NRG1: variants seen among roughly 807,000 people sequenced by gnomAD.
NRG1 encodes the protein pro-neuregulin-1, membrane-bound isoform.
NRG1 carries 18 observed loss-of-function variants against 63.8 expected under a neutral mutation model. The ratio of observed to expected loss-of-function variants is 0.28; its 90% CI spans 0.19 to 0.42. NRG1 has a LOEUF of 0.42. Ranked by LOEUF, NRG1 falls within the 10% of genes least tolerant of loss-of-function variation. The probability of loss-of-function intolerance (pLI) is 1.00; values close to 1 mark genes in which losing one functional copy is unlikely to be tolerated. For synonymous variants in NRG1, 302 were observed against 301.3 expected (o/e 1.00, Z -0.02); for missense variants, 762 against 814.7 (o/e 0.94, Z 0.79).
At chr8:31,642,307 G>A (rs1279003774) in intron 1 of NRG1, among the ~76,000 whole-genome samples, 1 of 152,174 alleles carries the variant, frequency 6.6e-6, no homozygotes, top group Non-Finnish European at 1.5e-5. Flanking sequence ...AATTCAGGAA[G>A]GATTTTTCCT....
intron 1 of NRG1, among the ~76,000 whole-genome samples, chr8:31,656,743 C>T (rs567998536): frequency 1.3e-5 from 2 of 152,202 alleles, no homozygotes; most frequent in African/African-American, 4.8e-5. Flanking sequence ...CTATGTACCA[C>T]CTAAGCCCTT....
At chr8:32,381,165 A>G in intron 1 of NRG1, among the ~76,000 whole-genome samples, 1 of 151,992 alleles carries the variant, frequency 6.6e-6, no homozygotes, top group East Asian at 1.9e-4. Context: ...GTCTCTTTCG[A>G]TTTCTTAAAT....
intron 1 of NRG1, among the ~76,000 whole-genome samples, chr8:32,457,876 C>A (rs1821800101): frequency 6.6e-6 from 1 of 151,802 alleles, no homozygotes; most frequent in Non-Finnish European, 1.5e-5. Context: ...TCAGATGCCT[C>A]TTCTCCACAG....
chr8:31,809,372 GTATATATACGTGTATA>G (rs1822619616), intron 1 of NRG1, among the ~76,000 whole-genome samples: 1 of 132,182 alleles, frequency 7.6e-6, no homozygotes, highest in Admixed American at 7.8e-5. Flanking sequence ...ATATATACAC[GTATATATACGTGTATA>G]TATATGTGTG....
intron 1 of NRG1, among the ~76,000 whole-genome samples, chr8:32,396,828 G>A (rs750047396): frequency 1.6e-4 from 24 of 152,114 alleles, no homozygotes; most frequent in Non-Finnish European, 2.8e-4. Context: ...TTCTATTACA[G>A]AGCTTTCTCT....
chr8:31,691,336 G>A lies in NRG1; in HGVS notation c.37+51905G>A, dbSNP rs535924472. ...TAAAAGTAGATCTGAGGCCGGGCGC[G>A]GTGGCTCACGCCTGTAATCCCAGCA... On this transcript the variant is annotated intron_variant, in intron 1 of 10. Transcript: ENST00000519301. Among the ~76,000 whole-genome samples the A allele has an allele frequency of 3.8e-4, 58 of 152,180 alleles. 1 individual carries two copies. The Middle Eastern group carries it at 0.01, about 27-fold the overall frequency.
At chr8:31,757,948 C>T (rs1373125891) in intron 1 of NRG1, among the ~76,000 whole-genome samples, 1 of 152,046 alleles carries the variant, frequency 6.6e-6, no homozygotes, top group East Asian at 1.9e-4. Context: ...TCTCCTCTAT[C>T]ACTCATAGAG....
At chr8:32,276,127 G>A (rs544640041) in intron 1 of NRG1, among the ~76,000 whole-genome samples, 1 of 152,226 alleles carries the variant, frequency 6.6e-6, no homozygotes, top group Non-Finnish European at 1.5e-5. Context: ...GTGCCACAGA[G>A]CACTAGAATT....
At chr8:32,111,753 A>G (rs1261918522) in intron 1 of NRG1, among the ~76,000 whole-genome samples, 3 of 152,142 alleles carry the variant, frequency 2.0e-5, no homozygotes, top group Admixed American at 6.5e-5. Flanking sequence ...ATGGGGAGTG[A>G]GAAAATTGAG....
At chr8:32,344,324 C>CTCTTTCTG (rs1804465828) in intron 1 of NRG1, among the ~76,000 whole-genome samples, 1 of 64,096 alleles carries the variant, frequency 1.6e-5, no homozygotes, top group Admixed American at 1.6e-4. Context: ...TTCCTTCTTT[C>CTCTTTCTG]TCTTTCTTTC....
rs150508301 is a variant in NRG1 at position 32,443,651 on chromosome 8, T to C, written c.38-152177T>C. 6.0e-3 allele frequency among the ~76,000 whole-genome samples: 912 copies of C among 152,304 alleles called. 6 individuals carry two copies. The highest frequency in any genetic ancestry group is 0.021 in the African/African-American group (861 of 41,566). On this transcript the variant is annotated intron_variant, in intron 1 of 10. Coordinates refer to the NRG1 transcript ENST00000519301. ...ATGAACACAAACTCCTAGTAAGTGT[T>C]CTTAATTGTTCTGTGGGCTGATGTG...
At chr8:32,760,498 A>G in intron 11 of NRG1, 92 bp downstream of exon 11, 1 of 1,576,556 alleles carries the variant, frequency 6.3e-7, no homozygotes, top group Non-Finnish European at 8.6e-7. Flanking sequence ...AATCTACTCT[A>G]ATCAGAATAA....
intron 1 of NRG1, among the ~76,000 whole-genome samples, chr8:32,347,133 A>ATT (rs1805013762): frequency 6.6e-6 from 1 of 152,112 alleles, no homozygotes; most frequent in African/African-American, 2.4e-5. Context: ...CCGGCCAAGC[A>ATT]TTTATCTTTT....
chr8:32,467,873 G>C (rs1823274432), intron 1 of NRG1, among the ~76,000 whole-genome samples: 1 of 152,160 alleles, frequency 6.6e-6, no homozygotes, highest in African/African-American at 2.4e-5. Context: ...TTTCAGGACT[G>C]TTGATTGTCC....
chr8:31,996,030 C>G (rs911108783), intron 1 of NRG1, among the ~76,000 whole-genome samples: 6 of 151,672 alleles, frequency 4.0e-5, no homozygotes, highest in African/African-American at 1.2e-4. Flanking sequence ...CTCTTCTCTT[C>G]TTTCACGGTG....
chr8:31,936,843 T>C (rs962567446), intron 1 of NRG1, among the ~76,000 whole-genome samples: 2 of 151,914 alleles, frequency 1.3e-5, no homozygotes, highest in African/African-American at 4.9e-5. Context: ...TTGAAATGCA[T>C]GTCATAAGAA....
At chr8:32,598,741 C>T (rs1388373085) in intron 2 of NRG1, among the ~76,000 whole-genome samples, 1 of 152,060 alleles carries the variant, frequency 6.6e-6, no homozygotes, top group African/African-American at 2.4e-5. Flanking sequence ...GAGAAGCGAT[C>T]ATCTTATCAG....
chr8:31,699,383 T>C (rs1810402392), intron 1 of NRG1, among the ~76,000 whole-genome samples: 1 of 152,160 alleles, frequency 6.6e-6, no homozygotes, highest in African/African-American at 2.4e-5. Flanking sequence ...GAAGATGTAA[T>C]TTTTTAGCCT....
At chr8:32,091,170 C>G (rs1258375756) in intron 1 of NRG1, among the ~76,000 whole-genome samples, 1 of 151,276 alleles carries the variant, frequency 6.6e-6, no homozygotes, top group East Asian at 2.0e-4. Flanking sequence ...CCCAGCTACT[C>G]AGGTGGCTGA....
Sources: allele counts gnomAD v4.1 joint callset (sites outside exome capture counted in the v4.1 genomes callset), GRCh38; gene constraint gnomAD v4.1.1; transcripts MANE v1.5; gene names NCBI Gene and HGNC (gene_info 2026-07-23, HGNC 2026-07-21).